Variants in CCSER1 observed in about 807,000 individuals in gnomAD.
The protein encoded by CCSER1 is serine-rich coiled-coil domain-containing protein 1.
CCSER1 carries 41 observed loss-of-function variants against 82.0 expected under a neutral mutation model. That is an observed-to-expected ratio of 0.50 (90% CI 0.39 to 0.65). The LOEUF (loss-of-function observed/expected upper bound fraction) is 0.65. Ranked by LOEUF, CCSER1 falls within the 30% of genes least tolerant of loss-of-function variation. The pLI, the probability that CCSER1 is intolerant of heterozygous loss-of-function variation, is 0.00. For missense variants in CCSER1, 1,119 were observed against 1,064.2 expected, an observed-to-expected ratio of 1.05 and a Z score of -0.72; for synonymous variants, 414 against 383.9, an observed-to-expected ratio of 1.08 and a Z score of -0.92.
At chr4:90,501,026 C>T (rs1578831728) in intron 5 of CCSER1, among the ~76,000 whole-genome samples, 1 of 151,980 alleles carries the variant, frequency 6.6e-6, no homozygotes, top group East Asian at 1.9e-4. Context: ...CAAGTATAGT[C>T]TAACTTAATG....
At chr4:91,155,302 G>A (rs1249658682) in intron 10 of CCSER1, among the ~76,000 whole-genome samples, 1 of 151,896 alleles carries the variant, frequency 6.6e-6, no homozygotes, top group East Asian at 1.9e-4. Context: ...GAGTTCCCCT[G>A]CATATGCCCT....
At chr4:90,663,908 TA>T in intron 6 of CCSER1, 1 of 357,766 alleles carries the variant, frequency 2.8e-6, no homozygotes, top group Non-Finnish European at 5.9e-6. Flanking sequence ...TTTCTAGTTG[TA>T]TGAAAGTGAA....
chr4:90,388,034 T>C (rs1750352396), intron 3 of CCSER1, among the ~76,000 whole-genome samples: 1 of 152,172 alleles, frequency 6.6e-6, no homozygotes, highest in Non-Finnish European at 1.5e-5. Flanking sequence ...CTTGCTAGTA[T>C]ATCACCATGA....
intron 5 of CCSER1, among the ~76,000 whole-genome samples, chr4:90,595,992 T>C (rs1472814216): frequency 1.3e-5 from 2 of 151,914 alleles, no homozygotes; most frequent in Non-Finnish European, 1.5e-5. Flanking sequence ...GATAAAGTAC[T>C]AACTGATTCT....
At chr4:90,691,668 C>T (rs1206195896) in intron 6 of CCSER1, among the ~76,000 whole-genome samples, 1 of 148,372 alleles carries the variant, frequency 6.7e-6, no homozygotes, top group Non-Finnish European at 1.5e-5. Context: ...TGCATATGTA[C>T]GTGTGTATCT....
intron 9 of CCSER1, among the ~76,000 whole-genome samples, chr4:90,926,475 T>G (rs1006554251): frequency 6.6e-6 from 1 of 152,024 alleles, no homozygotes; most frequent in African/African-American, 2.4e-5. Flanking sequence ...CACATTTTGC[T>G]TAAGATAAGA....
At chr4:90,981,464 A>G (rs910533386) in intron 9 of CCSER1, among the ~76,000 whole-genome samples, 3 of 151,818 alleles carry the variant, frequency 2.0e-5, no homozygotes, top group African/African-American at 7.2e-5. Context: ...TGCAAAGATA[A>G]TTACGTTTAA....
chr4:91,153,947 C>T (rs1357667321), intron 10 of CCSER1, among the ~76,000 whole-genome samples: 1 of 152,002 alleles, frequency 6.6e-6, no homozygotes, highest in African/African-American at 2.4e-5. Context: ...AGTTAGGCTA[C>T]TCATGGGTCA....
chr4:91,473,668 A>G (rs1757407830), intron 10 of CCSER1, among the ~76,000 whole-genome samples: 1 of 152,144 alleles, frequency 6.6e-6, no homozygotes, highest in Non-Finnish European at 1.5e-5. Context: ...TGTTGTGAGG[A>G]AAAATTAAAA....
intron 8 of CCSER1, among the ~76,000 whole-genome samples, chr4:90,908,168 A>G (rs1300632573): frequency 6.6e-6 from 1 of 152,210 alleles, no homozygotes; most frequent in East Asian, 1.9e-4. Flanking sequence ...GTCAGTCAAA[A>G]TGACATTTAG....
intron 5 of CCSER1, among the ~76,000 whole-genome samples, chr4:90,541,316 A>G (rs1776071538): frequency 1.3e-5 from 2 of 152,132 alleles, no homozygotes; most frequent in Non-Finnish European, 2.9e-5. Flanking sequence ...GCTACTGCTC[A>G]TTAAGATTAT....
chr4:91,580,400 T>C (rs1380681368), intron 10 of CCSER1, among the ~76,000 whole-genome samples: 1 of 151,874 alleles, frequency 6.6e-6, no homozygotes, highest in African/African-American at 2.4e-5. Flanking sequence ...CTTTAATCTT[T>C]CTTTTCTAAC....
At chr4:90,962,322 A>C (rs1489731750) in intron 9 of CCSER1, among the ~76,000 whole-genome samples, 1 of 152,156 alleles carries the variant, frequency 6.6e-6, no homozygotes, top group African/African-American at 2.4e-5. Context: ...TCTTCATTAT[A>C]AAATAGGAAT....
intron 9 of CCSER1, among the ~76,000 whole-genome samples, chr4:91,049,215 C>G (rs1742786237): frequency 1.3e-5 from 2 of 152,082 alleles, no homozygotes; most frequent in African/African-American, 2.4e-5. Flanking sequence ...AGTCAGTTTT[C>G]ACAATTTAAC....
At chr4:91,398,661 G>A (rs1328633060) in intron 10 of CCSER1, among the ~76,000 whole-genome samples, 1 of 151,566 alleles carries the variant, frequency 6.6e-6, no homozygotes, top group African/African-American at 2.4e-5. Flanking sequence ...GAGATACCTG[G>A]CAGACAATTA....
rs1054301890 is a variant in CCSER1 at position 91,184,306 on chromosome 4, T to C, written c.2217+98312T>C. On this transcript the variant is annotated intron_variant, in intron 10 of 10. Transcript: ENST00000509176. ...ATGATAACACTTAGCAGGCTGCAGG[T>C]TGTTTACTGCAGGAATTGTAAATGC... Among the ~76,000 whole-genome samples the C allele has an allele frequency of 2.0e-5, 3 of 152,220 alleles. No individual in the cohort carries two copies. The South Asian group carries it at 6.2e-4, about 31-fold the overall frequency.
intron 5 of CCSER1, among the ~76,000 whole-genome samples, chr4:90,563,586 G>T (rs2153649194): frequency 6.6e-6 from 1 of 152,098 alleles, no homozygotes; most frequent in African/African-American, 2.4e-5. Flanking sequence ...TGTCTTCCAG[G>T]TTCATCTATG....
At chr4:91,132,302 A>T (rs1728064653) in intron 10 of CCSER1, among the ~76,000 whole-genome samples, 2 of 152,202 alleles carry the variant, frequency 1.3e-5, no homozygotes, top group Admixed American at 6.5e-5. Flanking sequence ...ATAAAAACCC[A>T]TACAAGTATA....
intron 10 of CCSER1, among the ~76,000 whole-genome samples, chr4:91,251,276 C>A (rs965709431): frequency 3.3e-5 from 5 of 152,140 alleles, no homozygotes; most frequent in African/African-American, 1.2e-4. Flanking sequence ...CACTTTCTTG[C>A]TGTATCTTCA....
Sources: gnomAD v4.1 joint callset for allele counts (sites outside exome capture counted in the v4.1 genomes callset) on GRCh38, gnomAD v4.1.1 for gene constraint, MANE v1.5 for transcripts, NCBI Gene and HGNC (gene_info 2026-07-23, HGNC 2026-07-21) for gene names.